The following BAIAP2 variants were observed in gnomAD, a reference collection of about 807,000 sequenced individuals.
BAIAP2 encodes the protein BAR/IMD domain-containing adapter protein 2.
BAIAP2 carries 18 observed loss-of-function variants against 63.0 expected under a neutral mutation model. The observed-to-expected ratio is 0.29, with a 90% CI of 0.20 to 0.42. The LOEUF (loss-of-function observed/expected upper bound fraction) is 0.42. Ranked by LOEUF, BAIAP2 falls within the 10% of genes least tolerant of loss-of-function variation. BAIAP2 has a pLI of 1.00. For synonymous variants in BAIAP2, 386 were observed against 307.6 expected, an observed-to-expected ratio of 1.25 and a Z score of -2.67; for missense variants, 610 against 734.3, an observed-to-expected ratio of 0.83 and a Z score of 1.96.
chr17:81,082,451 C>G (rs181346554), intron 3 of BAIAP2, among the ~76,000 whole-genome samples: 221 of 152,294 alleles, frequency 1.5e-3, no homozygotes, highest in African/African-American at 5.0e-3. Flanking sequence ...GGCAGCCCTT[C>G]CGTATCTTCC....
chr17:81,077,554 ACT>A (rs999573225), intron 3 of BAIAP2, among the ~76,000 whole-genome samples: 4 of 93,508 alleles, frequency 4.3e-5, no homozygotes, highest in South Asian at 8.3e-4. Flanking sequence ...GGTGACAGAG[ACT>A]CTGTCTCAAA....
Position 81,086,598 on chromosome 17 carries a change from G to A in BAIAP2, c.489+18G>A, listed in dbSNP as rs757400683. On this transcript the variant is annotated intron_variant, in intron 6 of 13. Coordinates refer to ENST00000428708, the MANE Select transcript of BAIAP2 (RefSeq NM_001144888.2). ...AGCTGCAGGTAGGCCCGCCACCCCC[G>A]CTGTGGTGCCTCTCCTGCCACCTTG... 5.0e-6 allele frequency: 8 copies of A among 1,611,748 alleles called. No individual in the cohort carries two copies. Among genetic ancestry groups the A allele is most frequent in the African/African-American group, 2.7e-5 (2 of 74,880 alleles).
intron 13 of BAIAP2, among the ~76,000 whole-genome samples, chr17:81,112,090 G>A (rs1480959912): frequency 2.0e-5 from 3 of 152,220 alleles, no homozygotes; most frequent in Non-Finnish European, 2.9e-5. Context: ...GTTGGCCCTG[G>A]CCACCACCTT....
chr17:81,098,578 GCT>G (rs1568165530), intron 6 of BAIAP2, among the ~76,000 whole-genome samples: 2 of 152,202 alleles, frequency 1.3e-5, no homozygotes, highest in Non-Finnish European at 2.9e-5. Context: ...CCAAACTAAA[GCT>G]CTTAGTACCC....
chr17:81,060,200 T>A (rs902390121), intron 3 of BAIAP2, among the ~76,000 whole-genome samples: 1 of 152,234 alleles, frequency 6.6e-6, no homozygotes, highest in African/African-American at 2.4e-5. Flanking sequence ...TCACATGCCA[T>A]ACAGTTACCC....
At position 81,103,916 on chromosome 17, in the gene BAIAP2, G is replaced by C; in HGVS notation, c.874G>C (p.Ala292Pro). 1 of 1,612,942 alleles carries C rather than the reference G, an allele frequency of 6.2e-7. No homozygotes were observed. Among genetic ancestry groups the C allele is most frequent in the Non-Finnish European group, 8.5e-7 (1 of 1,180,004 alleles). Reference sequence around the variant, plus strand: ...GCCTGCTTCCCTGCAGCGGATGTCTGCCCAGGAGAGCACACCCATCATGAA... The same window carrying C: ...GCCTGCTTCCCTGCAGCGGATGTCTCCCCAGGAGAGCACACCCATCATGAA... ...ELAPFVGRMS[A>P]QESTPIMNGV... The change falls in exon 9 of 14, where the codon GCC becomes CCC. Residue 292 changes from alanine to proline, a missense_variant. Coordinates refer to ENST00000428708, the MANE Select transcript of BAIAP2 (RefSeq NM_001144888.2).
In BAIAP2 at chr17:81,035,205, G is replaced by C. The variant is rs377232908; in HGVS notation, c.-50G>C. ...TGCTGCCGTTACCGCCGCTGCTGCC[G>C]CCGCTTGCGTCCCCCGCTCCGGTCT... is the stretch of plus-strand genomic sequence containing the variant. On this transcript the variant is annotated 5_prime_UTR_variant, in exon 1 of 14. Transcript: ENST00000428708. 4 of 1,428,966 alleles carry C rather than the reference G, an allele frequency of 2.8e-6. No individual in the cohort carries two copies. Among genetic ancestry groups the C allele is most frequent in the African/African-American group, 3.0e-5 (2 of 67,148 alleles). 88.5% of individuals were successfully genotyped at this position (1,428,966 alleles called of 1,614,324 possible). A position where few individuals can be genotyped will look rare whatever the true frequency, so the allele number is the denominator to read the frequency against.
At chr17:81,085,069 A>G in intron 4 of BAIAP2, 176 bp downstream of exon 4, 1 of 679,768 alleles carries the variant, frequency 1.5e-6, no homozygotes, top group Non-Finnish European at 2.6e-6. Flanking sequence ...CGTCGGAGAA[A>G]AGGGCACAGG....
chr17:81,110,599 T>C (rs2059805245), intron 13 of BAIAP2: 1 of 1,229,838 alleles, frequency 8.1e-7, no homozygotes, highest in African/African-American at 1.5e-5. Context: ...GCCAGGTATT[T>C]TCTCGGCACT....
chr17:81,100,545 C>T (rs2058349815), intron 7 of BAIAP2, among the ~76,000 whole-genome samples: 1 of 152,088 alleles, frequency 6.6e-6, no homozygotes, highest in Admixed American at 6.5e-5. Flanking sequence ...CATGGCTCTG[C>T]TCACCCGAGG....
chr17:81,108,733 C>T (rs985616793), intron 13 of BAIAP2: 131 of 856,608 alleles, frequency 1.5e-4, no homozygotes, highest in Non-Finnish European at 2.1e-4. Context: ...ATCTGGCCGG[C>T]CCCATCCATC....
intron 1 of BAIAP2, among the ~76,000 whole-genome samples, chr17:81,039,406 C>G (rs1253968052): frequency 6.6e-6 from 1 of 152,232 alleles, no homozygotes; most frequent in African/African-American, 2.4e-5. Context: ...TGTCCCATGC[C>G]TGCTGTGCCG....
chr17:81,055,129 G>T (rs1030003553), intron 2 of BAIAP2, among the ~76,000 whole-genome samples: 1 of 152,200 alleles, frequency 6.6e-6, no homozygotes, highest in Non-Finnish European at 1.5e-5. Context: ...GGGTGGAGTT[G>T]GTTGTCCAGT....
At position 81,060,713 on chromosome 17, in the gene BAIAP2, A is replaced by G. The variant is rs190010411; in HGVS notation, c.217+2746A>G. The stretch of plus-strand genomic sequence containing the variant: ...ATGAAAGCAACACATCCTTGTTTCA[A>G]ACAAAGTCAGCCACTTCCCACCCTC... On this transcript the variant is annotated intron_variant, in intron 3 of 13. Transcript: ENST00000428708. Among the ~76,000 whole-genome samples, 413 of 152,272 alleles carry G rather than the reference A, an allele frequency of 2.7e-3. 2 individuals carry two copies. The highest frequency in any genetic ancestry group is 9.3e-3 in the African/African-American group (387 of 41,530).
rs201358030 is a variant in BAIAP2 at position 81,108,534 on chromosome 17, T to A, written c.1535+25T>A. ...GGTAAGGGGACTTTCAGACCTGTCT[T>A]TGGGACCGTGGGTGGGTGTGAAGAG... On this transcript the variant is annotated intron_variant, in intron 13 of 13. Transcript: ENST00000428708. 6,944 of 1,613,736 alleles carry A rather than the reference T, an allele frequency of 4.3e-3. 79 individuals carry two copies. The highest frequency in any genetic ancestry group is 0.032 in the South Asian group (2,950 of 91,078).
chr17:81,091,181 A>C, intron 6 of BAIAP2, among the ~76,000 whole-genome samples: 1 of 12,342 alleles, frequency 8.1e-5, no homozygotes, highest in African/African-American at 3.1e-4. Flanking sequence ...ACCCCCATTT[A>C]TGTGGCCCCA....
At position 81,084,855 on chromosome 17, in the gene BAIAP2, G is replaced by A. The variant is rs769593965; in HGVS notation, c.241G>A (p.Glu81Lys). ...AGGAGACGTTCTCTTCCAGATGGCT[G>A]AAGTCCACAGGCAGATCCAGAATCA... ...ELGDVLFQMAEVHRQIQNQLE... is the reference protein window; with the variant it reads ...ELGDVLFQMAKVHRQIQNQLE... Residue 81 changes from glutamate to lysine, a missense_variant, in exon 4 of 14, where the codon GAA becomes AAA. This residue lies in a region of BAIAP2 where 389 missense variants were observed against 455.6 expected (regional missense o/e 0.85). Coordinates refer to ENST00000428708, the MANE Select transcript of BAIAP2 (RefSeq NM_001144888.2). 1 of 1,613,874 alleles carries A rather than the reference G, an allele frequency of 6.2e-7. No homozygotes were observed. The highest frequency in any genetic ancestry group is 2.2e-5 in the East Asian group (1 of 44,872).
intron 1 of BAIAP2, among the ~76,000 whole-genome samples, chr17:81,042,325 T>A (rs1056884876): frequency 1.4e-5 from 2 of 146,596 alleles, no homozygotes; most frequent in Non-Finnish European, 3.0e-5. Flanking sequence ...TTTTTTTTTA[T>A]TTTAATTTTT....
chr17:81,049,508 C>T lies in BAIAP2; in HGVS notation c.55-4160C>T, dbSNP rs978208515. On this transcript the variant is annotated intron_variant, in intron 1 of 13. Coordinates refer to ENST00000428708, the MANE Select transcript of BAIAP2 (RefSeq NM_001144888.2). ...TGTTGATAAGAAACAAGCTCCCTTC[C>T]CCTTTTAAAGCCCACAGACTTTCCC... 2.6e-5 allele frequency among the ~76,000 whole-genome samples: 4 copies of T among 152,328 alleles called. No individual in the cohort carries two copies. The South Asian group carries it at 8.3e-4, about 32-fold the overall frequency.
Sources: allele counts gnomAD v4.1 joint callset (sites outside exome capture counted in the v4.1 genomes callset), GRCh38; gene constraint gnomAD v4.1.1; regional missense constraint gnomAD v4.1.1; transcripts MANE v1.5; gene names NCBI Gene and HGNC (gene_info 2026-07-23, HGNC 2026-07-21).